LHFPL6: variants seen among roughly 807,000 people sequenced by gnomAD.
LHFPL6 encodes LHFPL tetraspan subfamily member 6, also known as LHFPL tetraspan subfamily member 6 protein.
In LHFPL6, 9 loss-of-function variants were observed where a neutral mutation model predicts 20.6. The observed-to-expected ratio is 0.44, with a 90% CI of 0.26 to 0.76. LHFPL6 has a LOEUF of 0.76. Among genes scored for constraint, LHFPL6 ranks in the 30% least tolerant of loss-of-function variants. The pLI is 0.20. For synonymous variants in LHFPL6, 105 were observed against 98.7 expected (o/e 1.06, Z -0.38); for missense variants, 218 against 253.5 (o/e 0.86, Z 0.95).
At chr13:39,432,810 C>T (rs917355063) in intron 2 of LHFPL6, among the ~76,000 whole-genome samples, 5 of 152,202 alleles carry the variant, frequency 3.3e-5, no homozygotes, top group Non-Finnish European at 7.3e-5. Flanking sequence ...AGAACACTGC[C>T]TACCACATAA....
intron 2 of LHFPL6, among the ~76,000 whole-genome samples, chr13:39,440,342 G>A (rs559452162): frequency 9.9e-5 from 15 of 152,266 alleles, no homozygotes; most frequent in Non-Finnish European, 1.8e-4. Context: ...AAAAAACAGT[G>A]AGCAGGTCAG....
At chr13:39,424,840 T>G (rs1871595553) in intron 2 of LHFPL6, among the ~76,000 whole-genome samples, 1 of 152,202 alleles carries the variant, frequency 6.6e-6, no homozygotes, top group African/African-American at 2.4e-5. Flanking sequence ...GGGCAAAGAA[T>G]CGTAGCATTA....
chr13:39,433,658 C>G (rs1228185065), intron 2 of LHFPL6, among the ~76,000 whole-genome samples: 1 of 152,118 alleles, frequency 6.6e-6, no homozygotes, highest in African/African-American at 2.4e-5. Context: ...CAATATGACA[C>G]TGGAAATAAT....
intron 2 of LHFPL6, among the ~76,000 whole-genome samples, chr13:39,574,863 G>A (rs1477464432): frequency 6.6e-6 from 1 of 152,164 alleles, no homozygotes; most frequent in Admixed American, 6.5e-5. Flanking sequence ...CCCGAGGTCA[G>A]GAGTTGGAGA....
chr13:39,496,792 G>A (rs1462003535), intron 2 of LHFPL6, among the ~76,000 whole-genome samples: 2 of 152,136 alleles, frequency 1.3e-5, no homozygotes, highest in South Asian at 2.1e-4. Flanking sequence ...AGGGATCCAG[G>A]GGTGGCAGGT....
intron 2 of LHFPL6, among the ~76,000 whole-genome samples, chr13:39,519,679 G>A (rs548242566): frequency 7.9e-5 from 12 of 152,196 alleles, no homozygotes; most frequent in East Asian, 1.9e-4. Context: ...AATCCAGGCC[G>A]AGAATAAAAG....
chr13:39,401,152 A>G (rs1472579282), intron 2 of LHFPL6, among the ~76,000 whole-genome samples: 1 of 152,216 alleles, frequency 6.6e-6, no homozygotes, highest in East Asian at 1.9e-4. Flanking sequence ...TTCAACAATT[A>G]CATAACCCCT....
chr13:39,449,606 C>T (rs1485574449), intron 2 of LHFPL6, among the ~76,000 whole-genome samples: 2 of 152,098 alleles, frequency 1.3e-5, no homozygotes, highest in Admixed American at 6.6e-5. Flanking sequence ...AACAGACTGC[C>T]TTACCTTTAA....
In LHFPL6 at chr13:39,378,295, T is replaced by C. The variant is rs950662370; in HGVS notation, c.484+133A>G. 1.4e-5 allele frequency: 9 copies of C among 642,716 alleles called. No individual in the cohort carries two copies. The Admixed American group carries it at 1.5e-4, about 11-fold the overall frequency. 39.8% of individuals were successfully genotyped at this position (642,716 alleles called of 1,614,324 possible). On this transcript the variant is annotated intron_variant, in intron 3 of 3. Coordinates refer to ENST00000379589, the MANE Select transcript of LHFPL6 (RefSeq NM_005780.3). ...CACTAAATAAATGGATACATTTATA[T>C]TGTTACACGTGACTACTGGCTGTAA... is the stretch of plus-strand genomic sequence containing the variant.
intron 3 of LHFPL6, among the ~76,000 whole-genome samples, chr13:39,352,916 T>C (rs1443887995): frequency 5.9e-4 from 36 of 61,056 alleles, no homozygotes; most frequent in African/African-American, 8.8e-4. Context: ...TAAATGTATA[T>C]ATATATAAAT....
intron 3 of LHFPL6, among the ~76,000 whole-genome samples, chr13:39,368,558 G>T (rs933386264): frequency 6.6e-6 from 1 of 152,158 alleles, no homozygotes; most frequent in Non-Finnish European, 1.5e-5. Flanking sequence ...CTCCAGCCTG[G>T]CAACAGAGTG....
chr13:39,479,044 TA>T (rs1304014948), intron 2 of LHFPL6, among the ~76,000 whole-genome samples: 87 of 148,284 alleles, frequency 5.9e-4, no homozygotes, highest in Non-Finnish European at 9.4e-4. Flanking sequence ...TATAGATAGA[TA>T]GATAGATAGA....
At chr13:39,431,182 C>CACAGCTGA (rs200139890) in intron 2 of LHFPL6, among the ~76,000 whole-genome samples, 26,194 of 151,932 alleles carry the variant, frequency 0.17, 2,598 homozygotes, top group African/African-American at 0.27. Context: ...AAACTCTGGA[C>CACAGCTGA]ACATCTGAAC....
chr13:39,438,240 G>A (rs1187034522), intron 2 of LHFPL6, among the ~76,000 whole-genome samples: 2 of 152,188 alleles, frequency 1.3e-5, no homozygotes, highest in African/African-American at 4.8e-5. Context: ...CTAAGGATCT[G>A]TGGAATTTTG....
chr13:39,516,999 A>G (rs9576829), intron 2 of LHFPL6, among the ~76,000 whole-genome samples: 3,008 of 152,304 alleles, frequency 0.02, 93 homozygotes, highest in East Asian at 0.12. Context: ...TGTGCTATAT[A>G]GTTTCAGAAG....
chr13:39,518,385 A>G (rs1869997049), intron 2 of LHFPL6, among the ~76,000 whole-genome samples: 1 of 152,146 alleles, frequency 6.6e-6, no homozygotes, highest in Non-Finnish European at 1.5e-5. Flanking sequence ...CCCCAGTTAG[A>G]TGTGTTTCAA....
chr13:39,516,042 T>G (rs1271656377), intron 2 of LHFPL6, among the ~76,000 whole-genome samples: 1 of 152,190 alleles, frequency 6.6e-6, no homozygotes, highest in African/African-American at 2.4e-5. Context: ...CAAAGTATTT[T>G]GCATTCTAGC....
intron 2 of LHFPL6, among the ~76,000 whole-genome samples, chr13:39,461,162 A>G (rs1339732303): frequency 6.6e-6 from 1 of 152,184 alleles, no homozygotes; most frequent in African/African-American, 2.4e-5. Flanking sequence ...TGCAAAGAAC[A>G]TGATCTTGTC....
chr13:39,502,113 C>G (rs910941815), intron 2 of LHFPL6, among the ~76,000 whole-genome samples: 2 of 152,128 alleles, frequency 1.3e-5, no homozygotes, highest in Admixed American at 6.5e-5. Context: ...CTACATGGCT[C>G]CCATTTACAG....
Sources: gnomAD v4.1 joint callset for allele counts (sites outside exome capture counted in the v4.1 genomes callset) on GRCh38, gnomAD v4.1.1 for gene constraint, MANE v1.5 for transcripts, NCBI Gene and HGNC (gene_info 2026-07-23, HGNC 2026-07-21) for gene names.